PCDH9: variants seen among roughly 807,000 people sequenced by gnomAD.
The protein encoded by PCDH9 is protocadherin 9, also known as protocadherin-9.
Under a neutral mutation model 70.6 loss-of-function variants are expected in PCDH9, and 24 were observed. That is an observed-to-expected ratio of 0.34 (90% CI 0.25 to 0.48). PCDH9 has a LOEUF of 0.48. Among genes scored for constraint, PCDH9 ranks in the 20% least tolerant of loss-of-function variants. The pLI is 0.99. For synonymous variants in PCDH9, 562 were observed against 558.5 expected (o/e 1.01, Z -0.09); for missense variants, 1,281 against 1,503.6 (o/e 0.85, Z 2.45).
intron 2 of PCDH9, chr13:67,217,298 T>C (rs972971042): frequency 6.6e-6 from 1 of 151,758 alleles, no homozygotes; most frequent in Non-Finnish European, 1.5e-5. Context: ...ATTCACTGAA[T>C]TGCAGTTGCT....
intron 4 of PCDH9, among the ~76,000 whole-genome samples, chr13:66,420,170 C>T (rs1957538785): frequency 6.6e-6 from 1 of 152,154 alleles, no homozygotes; most frequent in Non-Finnish European, 1.5e-5. Context: ...GCAGCAGCCC[C>T]AGTCAGGGGC....
chr13:66,382,468 A>G (rs1868586403), intron 4 of PCDH9, among the ~76,000 whole-genome samples: 1 of 152,218 alleles, frequency 6.6e-6, no homozygotes, highest in Non-Finnish European at 1.5e-5. Context: ...GGAATTACCA[A>G]TTGCTATTGT....
chr13:66,416,908 A>C (rs1957470218), intron 4 of PCDH9, among the ~76,000 whole-genome samples: 1 of 152,228 alleles, frequency 6.6e-6, no homozygotes. Flanking sequence ...TCAGCAGCAG[A>C]AGGAGATGTG....
chr13:66,594,993 A>G (rs1025276875), intron 4 of PCDH9, among the ~76,000 whole-genome samples: 18 of 105,988 alleles, frequency 1.7e-4, no homozygotes, highest in African/African-American at 6.3e-4. Context: ...ATTTACTCAA[A>G]AAAAAAAAAA....
intron 3 of PCDH9, among the ~76,000 whole-genome samples, chr13:66,855,677 C>A (rs1566243929): frequency 1.3e-5 from 2 of 151,774 alleles, no homozygotes; most frequent in African/African-American, 4.8e-5. Context: ...AACTTACTGA[C>A]AAAAAAGGCT....
At chr13:66,765,182 C>T (rs17081753) in intron 3 of PCDH9, among the ~76,000 whole-genome samples, 5 of 151,464 alleles carry the variant, frequency 3.3e-5, no homozygotes, top group African/African-American at 7.3e-5. Context: ...CAGATCTAAT[C>T]GAATCCATTA....
chr13:67,164,109 A>G (rs553182914), intron 2 of PCDH9, among the ~76,000 whole-genome samples: 9 of 152,366 alleles, frequency 5.9e-5, no homozygotes, highest in Non-Finnish European at 1.2e-4. Flanking sequence ...GCACCTTCAC[A>G]TAATGCAATC....
intron 2 of PCDH9, among the ~76,000 whole-genome samples, chr13:67,004,408 T>A (rs1274533224): frequency 2.0e-5 from 3 of 151,828 alleles, no homozygotes; most frequent in Non-Finnish European, 4.4e-5. Flanking sequence ...CTGTCTCCAC[T>A]AAAAATCCAA....
intron 4 of PCDH9, among the ~76,000 whole-genome samples, chr13:66,326,093 G>T (rs1175906440): frequency 6.6e-6 from 1 of 152,004 alleles, no homozygotes; most frequent in East Asian, 1.9e-4. Context: ...CTCACCTCTG[G>T]CTTCTCACAT....
intron 3 of PCDH9, among the ~76,000 whole-genome samples, chr13:66,898,194 G>C (rs7350651): frequency 0.11 from 16,843 of 151,956 alleles, 1,217 homozygotes; most frequent in Middle Eastern, 0.19. Flanking sequence ...GCACTTTGGA[G>C]AGCAATGTTA....
At position 66,510,506 on chromosome 13, in the gene PCDH9, C is replaced by G. The variant is rs1462548309; in HGVS notation, c.3340+120704G>C. Among the ~76,000 whole-genome samples the G allele has an allele frequency of 4.6e-5, 7 of 152,016 alleles. No individual in the cohort carries two copies. The East Asian group carries it at 1.4e-3, about 29-fold the overall frequency. On this transcript the variant is annotated intron_variant, in intron 4 of 4. Coordinates refer to ENST00000377865, the MANE Select transcript of PCDH9 (RefSeq NM_203487.3). ...GGTATATCTCCTAATGCTATCTGTC[C>G]CTCCTCTCCCCACCCCACAACAGGC...
chr13:66,728,257 G>A (rs559893934), intron 3 of PCDH9, among the ~76,000 whole-genome samples: 1 of 152,098 alleles, frequency 6.6e-6, no homozygotes, highest in East Asian at 1.9e-4. Context: ...TTAAACTTAG[G>A]TTGTCAATCC....
intron 2 of PCDH9, among the ~76,000 whole-genome samples, chr13:67,036,894 T>C (rs937711600): frequency 2.6e-5 from 4 of 152,216 alleles, no homozygotes; most frequent in East Asian, 1.9e-4. Context: ...TTAGTAGAGA[T>C]AGAAGCTGCT....
chr13:66,989,839 C>G (rs2139794655), intron 2 of PCDH9, among the ~76,000 whole-genome samples: 1 of 151,710 alleles, frequency 6.6e-6, no homozygotes, highest in South Asian at 2.1e-4. Flanking sequence ...AAAAATTGAA[C>G]AAAAAGGTAT....
At chr13:66,305,352 T>C (rs1001783082) in intron 4 of PCDH9, among the ~76,000 whole-genome samples, 1 of 151,952 alleles carries the variant, frequency 6.6e-6, no homozygotes, top group East Asian at 1.9e-4. Context: ...CCATGATGCA[T>C]ACAGATTATT....
intron 2 of PCDH9, among the ~76,000 whole-genome samples, chr13:67,049,547 A>G (rs1048233418): frequency 1.3e-5 from 2 of 152,218 alleles, no homozygotes; most frequent in African/African-American, 4.8e-5. Flanking sequence ...ATATATGTAT[A>G]TATCAAGAAC....
chr13:66,588,766 T>C (rs1397378713), intron 4 of PCDH9, among the ~76,000 whole-genome samples: 1 of 150,212 alleles, frequency 6.7e-6, no homozygotes, highest in African/African-American at 2.4e-5. Flanking sequence ...TAGCTGACAG[T>C]ATGATATATG....
intron 3 of PCDH9, among the ~76,000 whole-genome samples, chr13:66,874,864 G>T (rs1402161186): frequency 6.6e-6 from 1 of 151,468 alleles, no homozygotes; most frequent in East Asian, 1.9e-4. Flanking sequence ...TTCTCCATCA[G>T]AGTTTTTGAG....
intron 3 of PCDH9, among the ~76,000 whole-genome samples, chr13:66,896,748 C>T (rs9571685): frequency 0.25 from 37,412 of 151,902 alleles, 5,563 homozygotes; most frequent in East Asian, 0.38. Flanking sequence ...TTAATAGCCA[C>T]TGCAGTTTTG....
Sources: allele counts gnomAD v4.1 joint callset (sites outside exome capture counted in the v4.1 genomes callset), GRCh38; gene constraint gnomAD v4.1.1; transcripts MANE v1.5; gene names NCBI Gene and HGNC (gene_info 2026-07-23, HGNC 2026-07-21).